RAD17: variants seen among roughly 807,000 people sequenced by gnomAD.
RAD17 encodes the protein cell cycle checkpoint protein RAD17.
RAD17 carries 31 observed loss-of-function variants against 81.5 expected under a neutral mutation model. The observed-to-expected ratio is 0.38, with a 90% CI of 0.29 to 0.51. The LOEUF (loss-of-function observed/expected upper bound fraction) is 0.51, where lower values mean the gene tolerates loss of function less well. Among genes scored for constraint, RAD17 ranks in the 20% least tolerant of loss-of-function variants. The probability of loss-of-function intolerance (pLI) is 0.88; values close to 1 mark genes in which losing one functional copy is unlikely to be tolerated. For missense variants in RAD17, 681 were observed against 781.2 expected (o/e 0.87, Z 1.53); for synonymous variants, 261 against 266.2 (o/e 0.98, Z 0.19).
chr5:69,384,801 A>G lies in RAD17; in HGVS notation c.513A>G (p.Ser171=), dbSNP rs1340184132. Residue 171 remains serine, a synonymous_variant, in exon 8 of 19, where the codon TCA becomes TCG. Transcript: ENST00000354868. The stretch of plus-strand genomic sequence containing the variant: ...TGGTTATGTGTTTCCTTTCAGAATC[A>G]AGCTTCCATATGTTTCCCTATCAGT... The part of the protein sequence containing the change: ...DDFKGMFNTE[S]SFHMFPYQSQ... 74 of 1,598,790 alleles carry G rather than the reference A, an allele frequency of 4.6e-5. No homozygotes were observed. The highest frequency in any genetic ancestry group is 5.7e-5 in the Non-Finnish European group (67 of 1,174,738).
chr5:69,390,223 T>C, intron 12 of RAD17, among the ~76,000 whole-genome samples: 1 of 152,236 alleles, frequency 6.6e-6, no homozygotes, highest in Non-Finnish European at 1.5e-5. Flanking sequence ...ATTATGTTTT[T>C]TTCATTTAAT....
At chr5:69,388,746 A>T (rs1408270052) in intron 11 of RAD17, among the ~76,000 whole-genome samples, 3 of 152,072 alleles carry the variant, frequency 2.0e-5, no homozygotes, top group Non-Finnish European at 4.4e-5. Context: ...AGCAGGGACT[A>T]CAGGCGCATG....
At chr5:69,385,266 C>CTTTTTTTT (rs35876455) in intron 8 of RAD17, among the ~76,000 whole-genome samples, 1 of 102,300 alleles carries the variant, frequency 9.8e-6, no homozygotes, top group Non-Finnish European at 1.9e-5. Context: ...GGCCTAAAAT[C>CTTTTTTTT]TTTTTTTTTT....
At chr5:69,390,762 C>T (rs1401334787) in intron 12 of RAD17, among the ~76,000 whole-genome samples, 1 of 151,908 alleles carries the variant, frequency 6.6e-6, no homozygotes, top group Admixed American at 6.6e-5. Context: ...TGATACCAGC[C>T]TGGGCAACAT....
chr5:69,373,133 A>G (rs966058498), intron 4 of RAD17, among the ~76,000 whole-genome samples: 5 of 152,166 alleles, frequency 3.3e-5, no homozygotes, highest in African/African-American at 1.2e-4. Context: ...GCCAAGGCAG[A>G]TATATTACTC....
chr5:69,409,046 T>C (rs1490443811), intron 17 of RAD17, among the ~76,000 whole-genome samples: 1 of 152,178 alleles, frequency 6.6e-6, no homozygotes, highest in African/African-American at 2.4e-5. Context: ...GGGTGCCCTT[T>C]AGGCTTGAAC....
intron 15 of RAD17, 138 bp from the exon 16 acceptor site, chr5:69,396,259 T>C: frequency 1.2e-6 from 1 of 843,968 alleles, no homozygotes; most frequent in African/African-American, 1.7e-5. Flanking sequence ...ATAGTGCTGT[T>C]ATTTATAGGG....
chr5:69,414,225 C>T lies in RAD17; in HGVS notation c.1946C>T (p.Pro649Leu). The part of the protein sequence containing the change: ...ASELPASQPQ[P>L]FSAQGDMEEN... Reference sequence around the variant, plus strand: ...GAACTGCCTGCTAGCCAGCCCCAGCCCTTTTCAGCCCAAGGAGACATGGAA... The same window carrying T: ...GAACTGCCTGCTAGCCAGCCCCAGCTCTTTTCAGCCCAAGGAGACATGGAA... Residue 649 changes from proline to leucine, a missense_variant, in exon 19 of 19, where the codon CCC (proline) becomes CTC (leucine). Physicochemically the swap from Pro to Leu is moderately conservative, Grantham distance 98 (BLOSUM62 -3). Coordinates refer to ENST00000354868, the MANE Select transcript of RAD17 (RefSeq NM_133338.3). 1 of 1,614,128 alleles carries T rather than the reference C, an allele frequency of 6.2e-7. No homozygotes were observed. Among genetic ancestry groups the T allele is most frequent in the Non-Finnish European group, 8.5e-7 (1 of 1,179,972 alleles).
At position 69,371,140 on chromosome 5, in the gene RAD17, C is replaced by A. The variant is rs187239801; in HGVS notation, c.-311C>A. Reference sequence around the variant, plus strand: ...TTTAATTTTCAGTATAAAAATTGCTCAAATAGAATTGCCTGATTTTAATGA... The same window carrying A: ...TTTAATTTTCAGTATAAAAATTGCTAAAATAGAATTGCCTGATTTTAATGA... On this transcript the variant is annotated 5_prime_UTR_variant, in exon 2 of 19. Coordinates refer to ENST00000354868, the MANE Select transcript of RAD17 (RefSeq NM_133338.3). 2.1e-5 allele frequency: 10 copies of A among 480,672 alleles called. No individual in the cohort carries two copies. The East Asian group carries it at 4.5e-4, about 21-fold the overall frequency. 29.8% of individuals were successfully genotyped at this position (480,672 alleles called of 1,614,324 possible). A position where few individuals can be genotyped will look rare whatever the true frequency, so the allele number is the denominator to read the frequency against.
At position 69,396,596 on chromosome 5, in the gene RAD17, TACGTGAATTATA is replaced by T. The variant is rs1382647554; in HGVS notation, c.1572+53_1572+64del. On this transcript the variant is annotated intron_variant, in intron 16 of 18. Coordinates refer to ENST00000354868, the MANE Select transcript of RAD17 (RefSeq NM_133338.3). ...TACTTTCAATATGTGAACTTTATGGTACGTGAATTATAACTCAAAGCAGTTATTTTCTTTAAA... is the reference window on the plus strand; with the variant it reads ...TACTTTCAATATGTGAACTTTATGGTACTCAAAGCAGTTATTTTCTTTAAA... The T allele has an allele frequency of 2.8e-6, 4 of 1,424,916 alleles. No homozygotes were observed. The African/African-American group carries it at 5.8e-5, about 21-fold the overall frequency. 88.3% of individuals were successfully genotyped at this position (1,424,916 alleles called of 1,614,324 possible). A position where few individuals can be genotyped will look rare whatever the true frequency, so the allele number is the denominator to read the frequency against.
chr5:69,385,059 A>T (rs1185569975), intron 8 of RAD17, 126 bp downstream of exon 8: 1 of 804,718 alleles, frequency 1.2e-6, no homozygotes, highest in Admixed American at 3.5e-5. Context: ...TCCCAGGTTC[A>T]CGCCATTCTC....
intron 6 of RAD17, among the ~76,000 whole-genome samples, chr5:69,380,810 C>T (rs1300939774): frequency 1.3e-5 from 2 of 150,262 alleles, no homozygotes; most frequent in African/African-American, 2.5e-5. Context: ...CTCTAATGTG[C>T]AGGATGGAGT....
At chr5:69,407,175 G>A (rs573461895) in intron 17 of RAD17, among the ~76,000 whole-genome samples, 1 of 151,742 alleles carries the variant, frequency 6.6e-6, no homozygotes, top group African/African-American at 2.4e-5. Flanking sequence ...GCTAATTTTT[G>A]TATTTTTAGT....
intron 18 of RAD17, 94 bp from the exon 19 acceptor site, chr5:69,413,935 TAA>T: frequency 1.1e-5 from 16 of 1,433,264 alleles, no homozygotes; most frequent in Non-Finnish European, 1.5e-5. Context: ...ACAATGTAGG[TAA>T]ATGAAAGATG....
chr5:69,404,935 G>C (rs893457956), intron 17 of RAD17, among the ~76,000 whole-genome samples: 3 of 152,216 alleles, frequency 2.0e-5, no homozygotes, highest in East Asian at 1.9e-4. Flanking sequence ...GTGAGATGCT[G>C]TCTCAAAAGG....
chr5:69,380,477 CTG>C (rs1763783788), intron 6 of RAD17, among the ~76,000 whole-genome samples: 1 of 152,172 alleles, frequency 6.6e-6, no homozygotes, highest in Non-Finnish European at 1.5e-5. Flanking sequence ...TGGCACATGA[CTG>C]TATATTGTTG....
rs1485837302 is a variant in RAD17, at chr5:69,400,033, T to A, written c.1573-16T>A. The A allele has an allele frequency of 6.6e-7, 1 of 1,521,018 alleles. No homozygotes were observed. The highest frequency in any genetic ancestry group is 1.3e-5 in the South Asian group (1 of 78,812). The allele number at this position is 1,521,018 out of a possible 1,614,324, so 94.2% of individuals were successfully genotyped here. A position where few individuals can be genotyped will look rare whatever the true frequency, so the allele number is the denominator to read the frequency against. Reference sequence around the variant, plus strand: ...TTCATTTTTCCTTTCATCTTTTTTTTTTCTTTTCTATACAGTATCGGGAAA... The same window carrying A: ...TTCATTTTTCCTTTCATCTTTTTTTATTCTTTTCTATACAGTATCGGGAAA... On this transcript the variant is annotated splice_polypyrimidine_tract_variant and intron_variant, in intron 16 of 18. Transcript: ENST00000354868.
chr5:69,410,365 A>G, intron 17 of RAD17, 128 bp from the exon 18 acceptor site: 1 of 650,796 alleles, frequency 1.5e-6, no homozygotes, highest in South Asian at 1.9e-5. Context: ...GTGAATTGGT[A>G]TCTCACTATG....
At chr5:69,378,295 C>T (rs1763639456) in intron 6 of RAD17, among the ~76,000 whole-genome samples, 1 of 152,116 alleles carries the variant, frequency 6.6e-6, no homozygotes, top group Admixed American at 6.5e-5. Flanking sequence ...CTTCAAAATT[C>T]AGTAAAACTC....
Sources: allele counts gnomAD v4.1 joint callset (sites outside exome capture counted in the v4.1 genomes callset), GRCh38; gene constraint gnomAD v4.1.1; transcripts MANE v1.5; gene names NCBI Gene and HGNC (gene_info 2026-07-23, HGNC 2026-07-21).